DLGAP2: variants seen among roughly 807,000 people sequenced by gnomAD.
DLGAP2 encodes DLG associated protein 2, also known as disks large-associated protein 2.
A neutral mutation model predicts 100.3 loss-of-function variants in DLGAP2; 26 were observed. That is an observed-to-expected ratio of 0.26 (90% confidence interval 0.19 to 0.36). DLGAP2 has a LOEUF of 0.36. Ranked by LOEUF, DLGAP2 falls within the 10% of genes least tolerant of loss-of-function variation. DLGAP2 has a pLI of 1.00. For missense variants in DLGAP2, 1,858 were observed against 1,453.2 expected (o/e 1.28, Z -4.53); for synonymous variants, 886 against 630.1 (o/e 1.41, Z -6.08).
At chr8:1,282,266 G>A (rs1203625667) in intron 3 of DLGAP2, among the ~76,000 whole-genome samples, 1 of 134,992 alleles carries the variant, frequency 7.4e-6, no homozygotes, top group Non-Finnish European at 1.6e-5. Context: ...CCAGCGCCCT[G>A]AACCATCCGG....
chr8:1,258,670 G>A (rs763849081), intron 2 of DLGAP2, among the ~76,000 whole-genome samples, 181 bp from the exon 3 acceptor site: 1 of 152,224 alleles, frequency 6.6e-6, no homozygotes, highest in East Asian at 1.9e-4. Flanking sequence ...AGCTTTTGAA[G>A]TAAAAGTTGC....
At chr8:788,678 G>A (rs888035645) in intron 1 of DLGAP2, among the ~76,000 whole-genome samples, 1 of 152,226 alleles carries the variant, frequency 6.6e-6, no homozygotes, top group East Asian at 1.9e-4. Context: ...AGAAGTCAGT[G>A]CTGTTCTGTC....
chr8:965,515 C>G (rs1799838055), intron 2 of DLGAP2, among the ~76,000 whole-genome samples: 1 of 134,482 alleles, frequency 7.4e-6, no homozygotes, highest in Non-Finnish European at 1.6e-5. Context: ...CTGAGTCTGA[C>G]CCCTGCGCTG....
chr8:1,426,162 C>A (rs1456943216), intron 3 of DLGAP2, among the ~76,000 whole-genome samples: 1 of 152,178 alleles, frequency 6.6e-6, no homozygotes, highest in Non-Finnish European at 1.5e-5. Flanking sequence ...GCCACACATG[C>A]AGCAGGACAA....
intron 6 of DLGAP2, among the ~76,000 whole-genome samples, chr8:1,593,916 C>T (rs1203276346): frequency 6.6e-6 from 1 of 152,244 alleles, no homozygotes; most frequent in Non-Finnish European, 1.5e-5. Context: ...TTCAGGGTTG[C>T]ACAGAGAACT....
intron 1 of DLGAP2, among the ~76,000 whole-genome samples, chr8:776,158 C>T (rs1158075753): frequency 6.6e-6 from 1 of 150,728 alleles, no homozygotes; most frequent in Non-Finnish European, 1.5e-5. Flanking sequence ...GTAGTATTCT[C>T]TGATGGTAGT....
At chr8:1,186,538 C>G (rs1034769192) in intron 2 of DLGAP2, among the ~76,000 whole-genome samples, 1 of 152,158 alleles carries the variant, frequency 6.6e-6, no homozygotes, top group African/African-American at 2.4e-5. Flanking sequence ...CCTCTCTAAG[C>G]GTCCTGATAA....
chr8:1,385,881 C>T (rs1363177486), intron 3 of DLGAP2, among the ~76,000 whole-genome samples: 1 of 152,230 alleles, frequency 6.6e-6, no homozygotes, highest in Non-Finnish European at 1.5e-5. Context: ...CCGGCCTGTG[C>T]CCGGCCCCTG....
Position 1,691,559 on chromosome 8 carries a change from T to C in DLGAP2, c.2729T>C (p.Val910Ala). 6.2e-7 allele frequency: 1 copy of C among 1,614,182 alleles called. No homozygotes were observed. The highest frequency in any genetic ancestry group is 1.1e-5 in the South Asian group (1 of 91,072). ...GTTCTCGGTAAAATCAGGAGTGCTGTTGGGAGTGCCCAGCTTCTCATGTCC... is the reference window on the plus strand; with the variant it reads ...GTTCTCGGTAAAATCAGGAGTGCTGCTGGGAGTGCCCAGCTTCTCATGTCC... ...EEILGKIRSAVGSAQLLMSQK... is the reference protein window; with the variant it reads ...EEILGKIRSAAGSAQLLMSQK... Residue 910 changes from valine to alanine, a missense_variant, in exon 13 of 15, where the codon GTT becomes GCT. By Grantham distance (64) the Val-to-Ala change is moderately conservative. Coordinates refer to ENST00000637795, the MANE Select transcript of DLGAP2 (RefSeq NM_001346810.2).
intron 3 of DLGAP2, among the ~76,000 whole-genome samples, chr8:1,494,743 A>G (rs1199107671): frequency 6.6e-6 from 1 of 151,944 alleles, no homozygotes; most frequent in East Asian, 1.9e-4. Context: ...AAAAGGAAAG[A>G]AAAGAAAAGA....
intron 2 of DLGAP2, among the ~76,000 whole-genome samples, chr8:1,043,674 C>A (rs561353602): frequency 6.6e-6 from 1 of 152,032 alleles, no homozygotes; most frequent in South Asian, 2.1e-4. Flanking sequence ...AGGGCTTGGT[C>A]AGTCATGTGG....
chr8:937,079 A>G (rs1187795367), intron 2 of DLGAP2, among the ~76,000 whole-genome samples: 7 of 152,178 alleles, frequency 4.6e-5, no homozygotes, highest in African/African-American at 1.7e-4. Context: ...GCACATCTAC[A>G]GACATGTGGT....
chr8:1,168,594 C>A (rs1043795264), intron 2 of DLGAP2, among the ~76,000 whole-genome samples: 3 of 148,994 alleles, frequency 2.0e-5, no homozygotes, highest in Admixed American at 1.3e-4. Flanking sequence ...GAGATGATAT[C>A]TCATTGTGGT....
chr8:1,226,370 A>C (rs541204161), intron 2 of DLGAP2, among the ~76,000 whole-genome samples: 1 of 152,322 alleles, frequency 6.6e-6, no homozygotes, highest in Admixed American at 6.5e-5. Flanking sequence ...TAACACAGGA[A>C]AAGAAAACAA....
In DLGAP2 at chr8:1,650,906, G is replaced by C. The variant is rs56284202; in HGVS notation, c.1811-17423G>C. On this transcript the variant is annotated intron_variant, in intron 8 of 14. Coordinates refer to ENST00000637795, the MANE Select transcript of DLGAP2 (RefSeq NM_001346810.2). The stretch of plus-strand genomic sequence containing the variant: ...GGAGCAGAGATGGGAGGAGAGTAGA[G>C]ACAGAAGCTTGGGTGACAGTTGCTG... Among the ~76,000 whole-genome samples the C allele has an allele frequency of 2.4e-3, 274 of 116,452 alleles. 4 individuals carry two copies. Among genetic ancestry groups the C allele is most frequent in the African/African-American group, 6.7e-3 (160 of 23,860 alleles). The allele number at this position is 116,452 out of a possible 152,430, so 76.4% of individuals were successfully genotyped here.
chr8:1,438,648 C>T (rs1193593838), intron 3 of DLGAP2, among the ~76,000 whole-genome samples: 1 of 152,162 alleles, frequency 6.6e-6, no homozygotes, highest in Non-Finnish European at 1.5e-5. Flanking sequence ...AGCCGGGCAA[C>T]ACTCGCCAGA....
At chr8:1,219,999 C>G (rs1182528552) in intron 2 of DLGAP2, among the ~76,000 whole-genome samples, 1 of 151,862 alleles carries the variant, frequency 6.6e-6, no homozygotes, top group African/African-American at 2.4e-5. Context: ...TGGATCTTCT[C>G]TCTGTTTAAA....
chr8:1,022,255 C>A (rs1364491955), intron 2 of DLGAP2, among the ~76,000 whole-genome samples: 1 of 151,546 alleles, frequency 6.6e-6, no homozygotes, highest in African/African-American at 2.4e-5. Context: ...CAGCCGCCAC[C>A]CATCCTCCCT....
chr8:1,621,165 C>T (rs538175497), intron 6 of DLGAP2: 2 of 152,382 alleles, frequency 1.3e-5, no homozygotes, highest in African/African-American at 4.8e-5. Flanking sequence ...GATGCCTTCT[C>T]CTCGTGTTCT....
Sources: allele counts gnomAD v4.1 joint callset (sites outside exome capture counted in the v4.1 genomes callset), GRCh38; gene constraint gnomAD v4.1.1; transcripts MANE v1.5; gene names NCBI Gene and HGNC (gene_info 2026-07-23, HGNC 2026-07-21).